Variants in ANKRD30B observed in about 807,000 individuals in gnomAD.
ANKRD30B encodes ankyrin repeat domain-containing protein 30B.
A neutral mutation model predicts 202.2 loss-of-function variants in ANKRD30B; 144 were observed. The observed-to-expected ratio is 0.71, with a 90% confidence interval of 0.62 to 0.82. The LOEUF (loss-of-function observed/expected upper bound fraction) is 0.82, where lower values mean the gene tolerates loss of function less well. ANKRD30B is among the 40% of genes least tolerant of loss of function. ANKRD30B has a pLI of 0.00. For missense variants in ANKRD30B, 1,487 were observed against 1,669.1 expected, an observed-to-expected ratio of 0.89 and a Z score of 1.90; for synonymous variants, 508 against 561.3, an observed-to-expected ratio of 0.91 and a Z score of 1.34.
At chr18:14,855,279 A>G (rs2487188), downstream of ANKRD30B, among the ~76,000 whole-genome samples, 49,458 of 151,272 alleles carry the variant, frequency 0.33, 8,269 homozygotes, top group Non-Finnish European at 0.38. Flanking sequence ...AGTACAGAAG[A>G]AAATGGAGTC....
chr18:14,852,381 A>G lies in ANKRD30B; in HGVS notation c.4437A>G (p.Glu1479=). The change falls in exon 42 of 44, where the codon GAA becomes GAG. Residue 1479 remains glutamate, a synonymous_variant. Coordinates refer to ENST00000690538, the MANE Select transcript of ANKRD30B (RefSeq NM_001367607.2). Reference sequence around the variant, plus strand: ...TCAATTATGGTAACCATTTAAAAGAACGTATAGATCAATATGAAAAAGAGA... The same window carrying G: ...TCAATTATGGTAACCATTTAAAAGAGCGTATAGATCAATATGAAAAAGAGA... ...EVFNYGNHLK[E]RIDQYEKEKA... 1 of 1,538,342 alleles carries G rather than the reference A, an allele frequency of 6.5e-7. No individual in the cohort carries two copies. Among genetic ancestry groups the G allele is most frequent in the Non-Finnish European group, 8.7e-7 (1 of 1,143,554 alleles).
chr18:14,888,184 G>A, the ANKRD30B span, among the ~76,000 whole-genome samples: 3 of 151,748 alleles, frequency 2.0e-5, no homozygotes, highest in East Asian at 3.9e-4. Context: ...TTTCTGATTA[G>A]AGTTTAAGTA....
At chr18:14,792,942 A>G (rs1030006178) in intron 16 of ANKRD30B, among the ~76,000 whole-genome samples, 3 of 152,178 alleles carry the variant, frequency 2.0e-5, no homozygotes, top group African/African-American at 7.2e-5. Context: ...GAATACTTAA[A>G]TTGTTGTTAT....
downstream of ANKRD30B, among the ~76,000 whole-genome samples, chr18:14,858,772 G>A (rs569315265): frequency 2.9e-5 from 4 of 139,568 alleles, no homozygotes; most frequent in Admixed American, 6.9e-5. Context: ...GGGCAGCCAG[G>A]CAGAGGGGCT....
chr18:14,808,781 G>A (rs574182267), intron 26 of ANKRD30B, 37 bp downstream of exon 26: 3 of 1,413,918 alleles, frequency 2.1e-6, no homozygotes, highest in Non-Finnish European at 2.9e-6. Flanking sequence ...CTGGAATTAA[G>A]AATATTAAAC....
chr18:14,841,452 T>TAGAA (rs1971416616), intron 37 of ANKRD30B, among the ~76,000 whole-genome samples: 1 of 152,140 alleles, frequency 6.6e-6, no homozygotes, highest in South Asian at 2.1e-4. Context: ...GGCAGTTGGA[T>TAGAA]AGAAGTTCAA....
At chr18:14,888,306 T>C in the ANKRD30B span, among the ~76,000 whole-genome samples, 12 of 152,200 alleles carry the variant, frequency 7.9e-5, no homozygotes, top group African/African-American at 2.6e-4. Context: ...ATATACCTTA[T>C]GTAACATCAT....
the ANKRD30B span, among the ~76,000 whole-genome samples, chr18:14,897,426 C>T: frequency 6.6e-6 from 1 of 152,128 alleles, no homozygotes; most frequent in Admixed American, 6.5e-5. Flanking sequence ...GGTCATTCAC[C>T]TGCCTCAGCC....
rs565136085 is a variant in ANKRD30B, at chr18:14,767,944, CTG to C, written c.1226-1397_1226-1396del. On this transcript the variant is annotated intron_variant, in intron 7 of 43. Coordinates refer to ENST00000690538, the MANE Select transcript of ANKRD30B (RefSeq NM_001367607.2). ...TGAAATCTATATTTGGTCTTCAACA[CTG>C]TTTTCTGGCGTACAACTCATAGAAT... Among the ~76,000 whole-genome samples the C allele has an allele frequency of 3.3e-5, 5 of 152,326 alleles. No individual in the cohort carries two copies. In the South Asian group the frequency reaches 1.0e-3, roughly 32 times the overall value.
the ANKRD30B span, among the ~76,000 whole-genome samples, chr18:14,935,119 A>G: frequency 6.6e-6 from 1 of 152,192 alleles, no homozygotes; most frequent in African/African-American, 2.4e-5. Context: ...TGAGCATTAT[A>G]GCATGCTAGT....
At chr18:14,773,788 TGGGA>T (rs1296860690) in intron 9 of ANKRD30B, among the ~76,000 whole-genome samples, 1 of 151,996 alleles carries the variant, frequency 6.6e-6, no homozygotes, top group Non-Finnish European at 1.5e-5. Context: ...CCTGTGTAGC[TGGGA>T]CTACAGGCGC....
chr18:14,869,992 C>T, the ANKRD30B span, among the ~76,000 whole-genome samples: 10 of 151,832 alleles, frequency 6.6e-5, no homozygotes, highest in South Asian at 2.1e-4. Flanking sequence ...CGGGCCACCA[C>T]GACCTGCTAA....
chr18:14,804,679 A>T (rs1038428368), intron 24 of ANKRD30B, among the ~76,000 whole-genome samples: 1 of 150,726 alleles, frequency 6.6e-6, no homozygotes, highest in African/African-American at 2.5e-5. Context: ...TGGTGCTCCT[A>T]TTTTTGAGTA....
At chr18:14,897,395 G>A in the ANKRD30B span, among the ~76,000 whole-genome samples, 1 of 152,044 alleles carries the variant, frequency 6.6e-6, no homozygotes, top group Non-Finnish European at 1.5e-5. Context: ...TGGCCAGGCT[G>A]GTCTCAAACT....
At chr18:14,784,908 A>G (rs1161450897) in intron 14 of ANKRD30B, among the ~76,000 whole-genome samples, 1 of 152,120 alleles carries the variant, frequency 6.6e-6, no homozygotes, top group East Asian at 1.9e-4. Context: ...TCTTTTACTG[A>G]TATAACACTT....
At chr18:14,927,011 T>C in the ANKRD30B span, among the ~76,000 whole-genome samples, 1 of 152,154 alleles carries the variant, frequency 6.6e-6, no homozygotes, top group African/African-American at 2.4e-5. Context: ...TTGGTAGTAG[T>C]AGTTGGTCTA....
chr18:14,913,995 G>A, the ANKRD30B span, among the ~76,000 whole-genome samples: 45 of 152,234 alleles, frequency 3.0e-4, no homozygotes, highest in African/African-American at 9.4e-4. Context: ...AGGTATAAAC[G>A]GGGTAATTTG....
At chr18:14,871,142 C>CCCTCACCCACACAA in the ANKRD30B span, among the ~76,000 whole-genome samples, 1 of 50,306 alleles carries the variant, frequency 2.0e-5, no homozygotes, top group Non-Finnish European at 5.2e-5. Context: ...CACCCACACA[C>CCCTCACCCACACAA]CCCCACCCAC....
At chr18:14,748,807 T>A (rs1912918836) in intron 1 of ANKRD30B, among the ~76,000 whole-genome samples, 167 bp downstream of exon 1, 1 of 152,104 alleles carries the variant, frequency 6.6e-6, no homozygotes, top group African/African-American at 2.4e-5. Context: ...TTCTTCCCGG[T>A]CAGGCCCCCC....
Sources: gnomAD v4.1 joint callset for allele counts (sites outside exome capture counted in the v4.1 genomes callset) on GRCh38, gnomAD v4.1.1 for gene constraint, MANE v1.5 for transcripts, NCBI Gene and HGNC (gene_info 2026-07-23, HGNC 2026-07-21) for gene names.